TMEFF2: variants seen among roughly 807,000 people sequenced by gnomAD.
TMEFF2 encodes transmembrane protein with EGF like and two follistatin like domains 2, also known as tomoregulin-2.
Under a neutral mutation model 53.8 loss-of-function variants are expected in TMEFF2, and 28 were observed. That is an observed-to-expected ratio of 0.52 (90% confidence interval 0.39 to 0.71). The LOEUF is 0.71. Among genes scored for constraint, TMEFF2 ranks in the 30% least tolerant of loss-of-function variants. TMEFF2 has a pLI of 0.00. For synonymous variants in TMEFF2, 162 were observed against 166.3 expected (o/e 0.97, Z 0.20); for missense variants, 353 against 455.2 (o/e 0.78, Z 2.04).
chr2:192,039,011 G>T (rs960919095), intron 5 of TMEFF2, among the ~76,000 whole-genome samples: 1 of 152,068 alleles, frequency 6.6e-6, no homozygotes, highest in African/African-American at 2.4e-5. Context: ...TTATTGCCAT[G>T]TGGTTTTTGG....
chr2:192,072,585 T>TA (rs1559113786), intron 4 of TMEFF2, among the ~76,000 whole-genome samples: 2 of 151,744 alleles, frequency 1.3e-5, no homozygotes, highest in Non-Finnish European at 1.5e-5. Flanking sequence ...TTAGATAAAA[T>TA]GAAGTTTTTT....
At chr2:191,975,016 A>G (rs967778209) in intron 7 of TMEFF2, among the ~76,000 whole-genome samples, 15 of 152,052 alleles carry the variant, frequency 9.9e-5, no homozygotes, top group Admixed American at 5.9e-4. Context: ...AATTACCTAA[A>G]TTTTCCACAA....
chr2:192,038,483 A>C (rs1220708178), intron 5 of TMEFF2, among the ~76,000 whole-genome samples: 1 of 152,058 alleles, frequency 6.6e-6, no homozygotes, highest in Non-Finnish European at 1.5e-5. Context: ...AAACCTAACC[A>C]TCCCAACTCC....
At chr2:192,062,743 T>C (rs1337769942) in intron 4 of TMEFF2, among the ~76,000 whole-genome samples, 1 of 152,162 alleles carries the variant, frequency 6.6e-6, no homozygotes, top group African/African-American at 2.4e-5. Flanking sequence ...CTTTTTAATA[T>C]ATTGCTGGAT....
intron 4 of TMEFF2, among the ~76,000 whole-genome samples, chr2:192,118,214 A>T (rs13015324): frequency 0.33 from 50,102 of 151,902 alleles, 10,166 homozygotes; most frequent in Non-Finnish European, 0.47. Flanking sequence ...TTTAGCAAGA[A>T]TTTTAGACTA....
At position 192,089,031 on chromosome 2, in the gene TMEFF2, T is replaced by G. The variant is rs565008865; in HGVS notation, c.440-31256A>C. ...TTTGTATCTCTTAAGCCACTTTCCA[T>G]AGGAGGTACTCAGTAGACATTTGTC... On this transcript the variant is annotated intron_variant, in intron 4 of 9. Transcript: ENST00000272771. 3.4e-4 allele frequency among the ~76,000 whole-genome samples: 52 copies of G among 152,252 alleles called. 1 individual carries two copies. In the South Asian group the frequency reaches 0.011, roughly 31 times the overall value.
intron 4 of TMEFF2, among the ~76,000 whole-genome samples, chr2:192,105,849 G>A (rs1208282301): frequency 6.6e-6 from 1 of 151,764 alleles, no homozygotes; most frequent in Admixed American, 6.6e-5. Flanking sequence ...CAATTTTGAG[G>A]AACACTTTAG....
intron 5 of TMEFF2, among the ~76,000 whole-genome samples, chr2:192,013,961 G>A (rs1358802697): frequency 6.6e-6 from 1 of 152,164 alleles, no homozygotes; most frequent in East Asian, 1.9e-4. Flanking sequence ...CAGTGATCTA[G>A]ACATAAAGTT....
At chr2:191,952,770 CTTTCT>C (rs759271503) in intron 9 of TMEFF2, among the ~76,000 whole-genome samples, 3 of 150,064 alleles carry the variant, frequency 2.0e-5, no homozygotes, top group South Asian at 2.1e-4. Flanking sequence ...AGATACGATA[CTTTCT>C]TTTATTTTTG....
intron 7 of TMEFF2, among the ~76,000 whole-genome samples, chr2:191,980,808 A>C (rs181368083): frequency 3.1e-4 from 47 of 152,090 alleles, no homozygotes; most frequent in Admixed American, 2.9e-3. Flanking sequence ...TTCCCTATCT[A>C]TCTTAGGGAA....
intron 9 of TMEFF2, among the ~76,000 whole-genome samples, chr2:191,952,545 T>TAATC (rs1396578601): frequency 2.0e-5 from 3 of 152,128 alleles, no homozygotes; most frequent in Non-Finnish European, 4.4e-5. Flanking sequence ...TATTTTAATA[T>TAATC]AATCACTTGG....
intron 5 of TMEFF2, among the ~76,000 whole-genome samples, chr2:192,029,597 G>A (rs886737407): frequency 2.6e-5 from 4 of 152,126 alleles, no homozygotes; most frequent in Non-Finnish European, 5.9e-5. Context: ...ACGTAATCTA[G>A]GCCAGGACAA....
chr2:192,111,944 A>G (rs1026711741), intron 4 of TMEFF2, among the ~76,000 whole-genome samples: 1 of 152,238 alleles, frequency 6.6e-6, no homozygotes, highest in African/African-American at 2.4e-5. Context: ...ACAGAAGTCA[A>G]GAATTGAGGT....
chr2:192,153,651 C>G (rs546999741), intron 4 of TMEFF2, among the ~76,000 whole-genome samples: 2 of 151,978 alleles, frequency 1.3e-5, no homozygotes, highest in South Asian at 4.1e-4. Context: ...ATGTGCCATT[C>G]TTATATTTCC....
intron 4 of TMEFF2, among the ~76,000 whole-genome samples, chr2:192,102,516 A>G (rs1298052431): frequency 6.6e-6 from 1 of 151,614 alleles, no homozygotes; most frequent in African/African-American, 2.4e-5. Flanking sequence ...AGTTGTCCCC[A>G]GTGGTTAGAA....
rs116145979 is a variant in TMEFF2 at position 192,015,913 on chromosome 2, T to C, written c.537-16705A>G. 1.4e-3 allele frequency among the ~76,000 whole-genome samples: 209 copies of C among 152,314 alleles called. 1 individual carries two copies. The highest frequency in any genetic ancestry group is 4.9e-3 in the African/African-American group (202 of 41,558). ...GCAATCACTGTCAGCCTAAACTAAC[T>C]AAAAGTATAGGCTTATAGTCTTAGA... On this transcript the variant is annotated intron_variant, in intron 5 of 9. Coordinates refer to ENST00000272771, the MANE Select transcript of TMEFF2 (RefSeq NM_016192.4).
intron 4 of TMEFF2, among the ~76,000 whole-genome samples, chr2:192,135,426 G>A (rs981118436): frequency 6.6e-6 from 1 of 151,766 alleles, no homozygotes. Context: ...ATACAAAACC[G>A]TATCCAGGCC....
chr2:192,038,077 C>G (rs1687375858), intron 5 of TMEFF2: 2 of 152,206 alleles, frequency 1.3e-5, no homozygotes, highest in African/African-American at 4.8e-5. Context: ...CATATATGTT[C>G]ATTAATACAT....
At position 192,194,285 on chromosome 2, in the gene TMEFF2, T is replaced by C. The variant is rs753318358; in HGVS notation, c.172+68A>G. On this transcript the variant is annotated intron_variant, in intron 1 of 9. Coordinates refer to ENST00000272771, the MANE Select transcript of TMEFF2 (RefSeq NM_016192.4). The surrounding 1 kb of genome is among the most constrained non-coding windows in gnomAD (Gnocchi z 4.2). ...GCTGAGGAGGCGCGCTAGGGTAGGC[T>C]GGTCTGTGCTGGATACGCGTGTTCT... 924 of 1,575,238 alleles carry C rather than the reference T, an allele frequency of 5.9e-4. 1 individual carries two copies. The highest frequency in any genetic ancestry group is 7.4e-4 in the Non-Finnish European group (854 of 1,153,388).
Sources: gnomAD v4.1 joint callset for allele counts (sites outside exome capture counted in the v4.1 genomes callset) on GRCh38, gnomAD v4.1.1 for gene constraint, Gnocchi (gnomAD v3.1) non-coding constraint, MANE v1.5 for transcripts, NCBI Gene and HGNC (gene_info 2026-07-23, HGNC 2026-07-21) for gene names.